Variants in NCKAP5 observed in about 807,000 individuals in gnomAD.
The protein encoded by NCKAP5 is nck-associated protein 5.
Under a neutral mutation model 167.0 loss-of-function variants are expected in NCKAP5, and 92 were observed. That is an observed-to-expected ratio of 0.55 (90% CI 0.47 to 0.66). The LOEUF (loss-of-function observed/expected upper bound fraction) is 0.66, where lower values mean the gene tolerates loss of function less well. NCKAP5 is among the 30% of genes least tolerant of loss of function. The pLI is 0.00. For missense variants in NCKAP5, 2,378 were observed against 2,315.0 expected (o/e 1.03, Z -0.56); for synonymous variants, 891 against 877.4 (o/e 1.02, Z -0.27).
chr2:133,552,387 C>T (rs1366832909), intron 2 of NCKAP5, among the ~76,000 whole-genome samples: 6 of 135,128 alleles, frequency 4.4e-5, no homozygotes, highest in Non-Finnish European at 9.4e-5. Context: ...AAATGTGGCA[C>T]ATATACACCA....
intron 8 of NCKAP5, among the ~76,000 whole-genome samples, chr2:132,954,987 A>G (rs2076296070): frequency 6.6e-6 from 1 of 152,234 alleles, no homozygotes; most frequent in Non-Finnish European, 1.5e-5. Context: ...ATCAAGAGAA[A>G]GATAAATGCC....
chr2:133,402,679 C>T (rs1454417003), intron 3 of NCKAP5, among the ~76,000 whole-genome samples: 1 of 152,074 alleles, frequency 6.6e-6, no homozygotes, highest in African/African-American at 2.4e-5. Context: ...CTGGCACTTC[C>T]TCCTTCTCTC....
intron 5 of NCKAP5, among the ~76,000 whole-genome samples, chr2:133,177,183 T>TATACATAC (rs1553563641): frequency 1.4e-5 from 2 of 142,680 alleles, no homozygotes; most frequent in East Asian, 2.1e-4. Flanking sequence ...TATATATATA[T>TATACATAC]ATATACTCAA....
intron 4 of NCKAP5, among the ~76,000 whole-genome samples, chr2:133,241,799 T>C (rs766308519): frequency 6.6e-6 from 1 of 152,152 alleles, no homozygotes; most frequent in Non-Finnish European, 1.5e-5. Flanking sequence ...AGATGGGTGA[T>C]ATGCATGTAG....
chr2:133,639,066 TAA>T, the NCKAP5 span, among the ~76,000 whole-genome samples: 1 of 152,050 alleles, frequency 6.6e-6, no homozygotes, highest in Non-Finnish European at 1.5e-5. Flanking sequence ...CCAACAGATA[TAA>T]GACACAGCAT....
chr2:132,844,737 G>A (rs1244389458), intron 11 of NCKAP5, among the ~76,000 whole-genome samples: 3 of 152,044 alleles, frequency 2.0e-5, no homozygotes, highest in African/African-American at 7.2e-5. Context: ...TGAAAACAGT[G>A]CACAGTGTCT....
chr2:133,394,290 A>G (rs972347314), intron 3 of NCKAP5, among the ~76,000 whole-genome samples: 3 of 152,236 alleles, frequency 2.0e-5, no homozygotes, highest in African/African-American at 7.2e-5. Flanking sequence ...TAAATACCCA[A>G]TTACAAAGTA....
the NCKAP5 span, among the ~76,000 whole-genome samples, chr2:133,674,645 A>C: frequency 1.3e-5 from 2 of 152,154 alleles, no homozygotes; most frequent in African/African-American, 2.4e-5. Context: ...AAGGAACAAA[A>C]AAAAAAGAAG....
At chr2:133,587,441 G>T in the NCKAP5 span, among the ~76,000 whole-genome samples, 1 of 152,220 alleles carries the variant, frequency 6.6e-6, no homozygotes, top group Non-Finnish European at 1.5e-5. Context: ...AGTTTGGGAG[G>T]TGACATCGGA....
intron 6 of NCKAP5, among the ~76,000 whole-genome samples, chr2:133,064,840 A>G (rs2080133435): frequency 6.6e-6 from 1 of 152,166 alleles, no homozygotes; most frequent in African/African-American, 2.4e-5. Flanking sequence ...ACATTCATAT[A>G]ATTTGTTTTT....
intron 6 of NCKAP5, among the ~76,000 whole-genome samples, chr2:133,079,530 T>C (rs2080732573): frequency 6.6e-6 from 1 of 152,186 alleles, no homozygotes; most frequent in African/African-American, 2.4e-5. Flanking sequence ...CCTAAACATC[T>C]TTTCATGGGA....
At chr2:133,330,350 G>T (rs1365623896) in intron 3 of NCKAP5, among the ~76,000 whole-genome samples, 1 of 142,126 alleles carries the variant, frequency 7.0e-6, no homozygotes, top group Non-Finnish European at 1.5e-5. Context: ...CTCCCAGAGT[G>T]CTGGGTTTAC....
intron 13 of NCKAP5, among the ~76,000 whole-genome samples, chr2:132,787,257 A>C (rs967370335): frequency 6.6e-6 from 1 of 151,486 alleles, no homozygotes; most frequent in Non-Finnish European, 1.5e-5. Flanking sequence ...CTAAGGCAGG[A>C]GAATCGCTTG....
chr2:133,443,948 C>CA (rs1691017288), intron 3 of NCKAP5, among the ~76,000 whole-genome samples: 1 of 152,320 alleles, frequency 6.6e-6, no homozygotes, highest in African/African-American at 2.4e-5. Context: ...CTCCTAATTG[C>CA]ATAAAACAGT....
At chr2:133,326,549 G>A (rs1682467812) in intron 3 of NCKAP5, among the ~76,000 whole-genome samples, 1 of 151,298 alleles carries the variant, frequency 6.6e-6, no homozygotes, top group African/African-American at 2.4e-5. Context: ...CAAGAGTCCT[G>A]TAACAGCAGA....
intron 6 of NCKAP5, among the ~76,000 whole-genome samples, chr2:133,057,415 T>C (rs560988610): frequency 1.3e-5 from 2 of 152,252 alleles, no homozygotes; most frequent in South Asian, 4.1e-4. Flanking sequence ...AAGTTGTGAA[T>C]GCAAAGGAAA....
chr2:132,709,402 G>A (rs941442390), intron 19 of NCKAP5, among the ~76,000 whole-genome samples: 1 of 151,920 alleles, frequency 6.6e-6, no homozygotes, highest in Non-Finnish European at 1.5e-5. Context: ...AATAGGTTCA[G>A]CCAAGTTAAA....
chr2:132,985,279 A>G (rs55970259), intron 7 of NCKAP5, among the ~76,000 whole-genome samples: 5 of 152,252 alleles, frequency 3.3e-5, no homozygotes, highest in Non-Finnish European at 4.4e-5. Context: ...TAGAGTCAGA[A>G]CCCATTAAAC....
chr2:133,482,769 T>C (rs1404560006), intron 3 of NCKAP5, among the ~76,000 whole-genome samples: 1 of 152,198 alleles, frequency 6.6e-6, no homozygotes, highest in Non-Finnish European at 1.5e-5. Context: ...AACAGTGTAA[T>C]AGAGTTCCCT....
Sources: gnomAD v4.1 joint callset for allele counts (sites outside exome capture counted in the v4.1 genomes callset) on GRCh38, gnomAD v4.1.1 for gene constraint, MANE v1.5 for transcripts, NCBI Gene and HGNC (gene_info 2026-07-23, HGNC 2026-07-21) for gene names.